Variants in IKZF2 observed in about 807,000 individuals in gnomAD.
IKZF2 encodes the protein IKAROS family zinc finger 2.
In IKZF2, 15 loss-of-function variants were observed where a neutral mutation model predicts 49.2. That is an observed-to-expected ratio of 0.30 (90% CI 0.20 to 0.47). The LOEUF is 0.47. Ranked by LOEUF, IKZF2 falls within the 20% of genes least tolerant of loss-of-function variation. The probability of loss-of-function intolerance (pLI) is 1.00; values close to 1 mark genes in which losing one functional copy is unlikely to be tolerated. For missense variants in IKZF2, 567 were observed against 664.6 expected (o/e 0.85, Z 1.61); for synonymous variants, 227 against 221.4 (o/e 1.03, Z -0.23).
At chr2:213,054,139 G>C (rs1700931278) in intron 5 of IKZF2, among the ~76,000 whole-genome samples, 1 of 152,078 alleles carries the variant, frequency 6.6e-6, no homozygotes, top group Admixed American at 6.6e-5. Flanking sequence ...AGCTACTTTG[G>C]AGGCTGAGGC....
At chr2:213,116,247 G>A (rs1356506953) in intron 4 of IKZF2, among the ~76,000 whole-genome samples, 1 of 152,168 alleles carries the variant, frequency 6.6e-6, no homozygotes, top group Non-Finnish European at 1.5e-5. Context: ...TTAGAAACAT[G>A]AAACAGTGTT....
intron 4 of IKZF2, among the ~76,000 whole-genome samples, chr2:213,144,450 G>A (rs1302303865): frequency 6.6e-6 from 1 of 151,900 alleles, no homozygotes; most frequent in South Asian, 2.1e-4. Context: ...GTATAGAACA[G>A]TCTGAAACCA....
chr2:213,143,041 A>C (rs553722412), intron 4 of IKZF2, among the ~76,000 whole-genome samples: 2 of 152,152 alleles, frequency 1.3e-5, no homozygotes, highest in East Asian at 3.9e-4. Flanking sequence ...AAGGGAAAAA[A>C]GTAAAGAAAA....
At chr2:213,010,030 G>A (rs1695777952) in intron 8 of IKZF2, among the ~76,000 whole-genome samples, 1 of 152,108 alleles carries the variant, frequency 6.6e-6, no homozygotes, top group African/African-American at 2.4e-5. Context: ...GATTGAAGGG[G>A]ATAAACAAGG....
intron 4 of IKZF2, among the ~76,000 whole-genome samples, chr2:213,078,048 T>C (rs1197736994): frequency 1.3e-5 from 2 of 152,172 alleles, no homozygotes; most frequent in Non-Finnish European, 2.9e-5. Flanking sequence ...TTTATGATCC[T>C]ACTAAGGATC....
intron 6 of IKZF2, among the ~76,000 whole-genome samples, chr2:213,024,545 G>GAAC (rs1697597379): frequency 6.6e-6 from 1 of 152,102 alleles, no homozygotes; most frequent in Non-Finnish European, 1.5e-5. Flanking sequence ...TGAAAAGGTT[G>GAAC]AACAAGAAGG....
At chr2:213,139,447 C>T (rs912859386) in intron 4 of IKZF2, among the ~76,000 whole-genome samples, 6 of 151,918 alleles carry the variant, frequency 3.9e-5, no homozygotes, top group Non-Finnish European at 7.4e-5. Flanking sequence ...TATTCAGATT[C>T]CTTGCTCAGT....
intron 6 of IKZF2, among the ~76,000 whole-genome samples, chr2:213,032,756 C>A (rs1473747166): frequency 1.3e-5 from 2 of 152,130 alleles, no homozygotes; most frequent in Non-Finnish European, 2.9e-5. Context: ...ATAATCTGAG[C>A]CTTCAGACTC....
At chr2:213,027,929 C>G (rs1402532160) in intron 6 of IKZF2, among the ~76,000 whole-genome samples, 1 of 151,862 alleles carries the variant, frequency 6.6e-6, no homozygotes, top group Admixed American at 6.6e-5. Flanking sequence ...TGTGTCTGTA[C>G]TATATATAAT....
intron 6 of IKZF2, among the ~76,000 whole-genome samples, chr2:213,033,158 AT>A (rs1287372438): frequency 2.6e-5 from 4 of 152,172 alleles, no homozygotes; most frequent in African/African-American, 9.7e-5. Context: ...ATCCATTCAC[AT>A]TTTATAACGA....
At chr2:213,113,626 G>C (rs1182062077) in intron 4 of IKZF2, among the ~76,000 whole-genome samples, 1 of 152,108 alleles carries the variant, frequency 6.6e-6, no homozygotes, top group Admixed American at 6.5e-5. Context: ...AAAGAACCAT[G>C]TTTCAAAGTT....
chr2:213,148,704 T>A (rs2061166425), intron 2 of IKZF2, 60 bp from the exon 3 acceptor site: 7 of 1,402,728 alleles, frequency 5.0e-6, no homozygotes, highest in Non-Finnish European at 7.0e-6. Flanking sequence ...TGCCATTAAA[T>A]TCTTAACTTA....
rs140124698 is a variant in IKZF2 at position 213,062,068 on chromosome 2, A to T, written c.140-4969T>A. On this transcript the variant is annotated intron_variant, in intron 4 of 8. Coordinates refer to ENST00000434687, the MANE Select transcript of IKZF2 (RefSeq NM_001387220.1). The stretch of plus-strand genomic sequence containing the variant: ...AATTTTTAAAATTTTTAAGAAAAAG[A>T]TCACTTTATATGCATGATAAATATA... Among the ~76,000 whole-genome samples, 8 of 151,712 alleles carry T rather than the reference A, an allele frequency of 5.3e-5. No individual in the cohort carries two copies. The East Asian group carries it at 1.5e-3, about 29-fold the overall frequency.
At chr2:213,074,482 T>C (rs1385446978) in intron 4 of IKZF2, among the ~76,000 whole-genome samples, 1 of 152,222 alleles carries the variant, frequency 6.6e-6, no homozygotes, top group Non-Finnish European at 1.5e-5. Flanking sequence ...ATCACCGCTG[T>C]ATATGTTGTA....
chr2:213,057,330 T>A (rs897501609), intron 4 of IKZF2, among the ~76,000 whole-genome samples: 1 of 152,158 alleles, frequency 6.6e-6, no homozygotes, highest in Admixed American at 6.6e-5. Context: ...AATGACTATT[T>A]CCTCACATAT....
In IKZF2 at chr2:213,006,985, G is replaced by A. The variant is rs3768792; in HGVS notation, c.*375C>T. ...ACCAAAGTCCTACCCAGAAAACTCT[G>A]AACTTTCCTGTCTTCCATCATAATT... On this transcript the variant is annotated 3_prime_UTR_variant, in exon 9 of 9. Coordinates refer to ENST00000434687, the MANE Select transcript of IKZF2 (RefSeq NM_001387220.1). The A allele has an allele frequency of 0.79, 130,101 of 165,436 alleles. 52,199 individuals are homozygous for A. The highest frequency in any genetic ancestry group is 0.88 in the Middle Eastern group (302 of 344). The allele number at this position is 165,436 out of a possible 1,614,324, so 10.2% of individuals were successfully genotyped here.
chr2:213,015,977 C>A (rs1485928340), intron 7 of IKZF2, among the ~76,000 whole-genome samples: 1 of 152,058 alleles, frequency 6.6e-6, no homozygotes, highest in Admixed American at 6.6e-5. Flanking sequence ...AACTGTCCCA[C>A]ACCACATCCA....
At chr2:213,049,454 T>C (rs1371813231) in intron 6 of IKZF2, among the ~76,000 whole-genome samples, 1 of 152,232 alleles carries the variant, frequency 6.6e-6, no homozygotes, top group Middle Eastern at 3.4e-3. Context: ...ATAGAAAATA[T>C]ATAACAGCTG....
At chr2:213,131,867 T>C (rs1329601783) in intron 4 of IKZF2, among the ~76,000 whole-genome samples, 2 of 152,132 alleles carry the variant, frequency 1.3e-5, no homozygotes, top group Non-Finnish European at 2.9e-5. Flanking sequence ...CTCTAATGCA[T>C]TCAGTCAATC....
Sources: allele counts gnomAD v4.1 joint callset (sites outside exome capture counted in the v4.1 genomes callset), GRCh38; gene constraint gnomAD v4.1.1; transcripts MANE v1.5; gene names NCBI Gene and HGNC (gene_info 2026-07-23, HGNC 2026-07-21).